PIK3C2A: variants seen among roughly 807,000 people sequenced by gnomAD.
The protein encoded by PIK3C2A is phosphatidylinositol-4-phosphate 3-kinase catalytic subunit type 2 alpha, also known as phosphatidylinositol 4-phosphate 3-kinase C2 domain-containing subunit alpha.
A neutral mutation model predicts 204.5 loss-of-function variants in PIK3C2A; 97 were observed. The ratio of observed to expected loss-of-function variants is 0.47; its 90% CI spans 0.40 to 0.56. PIK3C2A has a LOEUF of 0.56. Among genes scored for constraint, PIK3C2A ranks in the 20% least tolerant of loss-of-function variants. The pLI, the probability that PIK3C2A is intolerant of heterozygous loss-of-function variation, is 0.00. For synonymous variants in PIK3C2A, 653 were observed against 664.4 expected, an observed-to-expected ratio of 0.98 and a Z score of 0.26; for missense variants, 1,735 against 1,969.2, an observed-to-expected ratio of 0.88 and a Z score of 2.25.
intron 5 of PIK3C2A, among the ~76,000 whole-genome samples, chr11:17,148,075 G>A (rs1412585708): frequency 6.6e-6 from 1 of 151,988 alleles, no homozygotes; most frequent in East Asian, 1.9e-4. Context: ...CAGGCGTGGT[G>A]GTGCATGCCT....
At chr11:17,161,125 CAAGAATATGGGG>C (rs1483728519) in intron 2 of PIK3C2A, among the ~76,000 whole-genome samples, 1 of 152,122 alleles carries the variant, frequency 6.6e-6, no homozygotes, top group Non-Finnish European at 1.5e-5. Context: ...AAAGTAGTTA[CAAGAATATGGGG>C]AAGATTTATA....
chr11:17,195,273 C>T (rs1852108507), intron 1 of PIK3C2A, among the ~76,000 whole-genome samples: 1 of 151,514 alleles, frequency 6.6e-6, no homozygotes, highest in Admixed American at 6.6e-5. Context: ...ATTAGCTGGG[C>T]ATGGTGGCAG....
intron 20 of PIK3C2A, among the ~76,000 whole-genome samples, chr11:17,113,630 A>G (rs1565249661): frequency 6.6e-6 from 1 of 151,588 alleles, no homozygotes; most frequent in Non-Finnish European, 1.5e-5. Context: ...AAACATACAA[A>G]TATTAGCCAG....
At position 17,168,914 on chromosome 11, in the gene PIK3C2A, T is replaced by C. The variant is rs1168710471; in HGVS notation, c.828A>G (p.Leu276=). Residue 276 remains leucine (L), a synonymous_variant, in exon 2 of 33, where the codon CTA becomes CTG. Transcript: ENST00000691414. ...SKFDWLDLDP[L]SKPKVDNVEV... ...CCACATTATCCACCTTAGGCTTACT[T>C]AGAGGATCCAAGTCTAACCAGTCAA... 5.0e-6 allele frequency: 8 copies of C among 1,614,112 alleles called. No homozygotes were observed. Among genetic ancestry groups the C allele is most frequent in the Non-Finnish European group, 6.8e-6 (8 of 1,179,980 alleles).
At chr11:17,132,315 ATTTTTTTT>A (rs11307715) in intron 11 of PIK3C2A, among the ~76,000 whole-genome samples, 18 of 78,814 alleles carry the variant, frequency 2.3e-4, no homozygotes, top group East Asian at 3.2e-4. Context: ...ATTAACTTTA[ATTTTTTTT>A]TTTTTTTTTT....
chr11:17,131,134 G>C (rs1849681239), intron 12 of PIK3C2A, among the ~76,000 whole-genome samples: 1 of 152,138 alleles, frequency 6.6e-6, no homozygotes, highest in African/African-American at 2.4e-5. Context: ...CTTGCAGTGA[G>C]CTGAGATCAT....
rs1183002561 is a variant in PIK3C2A at position 17,097,051 on chromosome 11, A to T, written c.4326+6T>A. 2 of 1,475,448 alleles carry T rather than the reference A, an allele frequency of 1.4e-6. No homozygotes were observed. The highest frequency in any genetic ancestry group is 1.9e-6 in the Non-Finnish European group (2 of 1,055,290). 91.4% of individuals were successfully genotyped at this position (1,475,448 alleles called of 1,614,324 possible). A position where few individuals can be genotyped will look rare whatever the true frequency, so the allele number is the denominator to read the frequency against. ...GATTGTTTATGAATATTGAAATCAA[A>T]CTTACATAATGTTTATCTGGGTTGT... On this transcript the variant is annotated splice_donor_region_variant and intron_variant, in intron 27 of 32. Transcript: ENST00000691414.
intron 22 of PIK3C2A, among the ~76,000 whole-genome samples, chr11:17,108,117 C>T (rs1848888671): frequency 6.6e-6 from 1 of 152,218 alleles, no homozygotes; most frequent in South Asian, 2.1e-4. Flanking sequence ...AGGGATCTGC[C>T]CGCCTCGGCC....
Position 17,090,851 on chromosome 11 carries a change from G to A in PIK3C2A, c.4878+483C>T, listed in dbSNP as rs1396044064. On this transcript the variant is annotated intron_variant, in intron 32 of 32. Coordinates refer to ENST00000691414, the MANE Select transcript of PIK3C2A (RefSeq NM_002645.4). Reference sequence around the variant, plus strand: ...ACCTCCTGGGCTCAAGCAATCCTTTGACCTCAGCCTCCCGAGGAGCTGGGA... The same window carrying A: ...ACCTCCTGGGCTCAAGCAATCCTTTAACCTCAGCCTCCCGAGGAGCTGGGA... Among the ~76,000 whole-genome samples the A allele has an allele frequency of 6.0e-5, 9 of 151,250 alleles. No homozygotes were observed. In the East Asian group the frequency reaches 1.7e-3, roughly 29 times the overall value.
At chr11:17,198,528 A>G (rs1852242319) in intron 1 of PIK3C2A, among the ~76,000 whole-genome samples, 1 of 152,206 alleles carries the variant, frequency 6.6e-6, no homozygotes, top group South Asian at 2.1e-4. Context: ...TAAAATGCTT[A>G]GCATATAATA....
intron 1 of PIK3C2A, among the ~76,000 whole-genome samples, chr11:17,200,014 C>CA (rs1217422134): frequency 1.3e-5 from 2 of 149,666 alleles, no homozygotes; most frequent in African/African-American, 2.5e-5. Flanking sequence ...GTAAAAAATA[C>CA]AAAAAATACA....
At chr11:17,178,956 C>T (rs1851437941) in intron 1 of PIK3C2A, among the ~76,000 whole-genome samples, 1 of 151,480 alleles carries the variant, frequency 6.6e-6, no homozygotes, top group Non-Finnish European at 1.5e-5. Context: ...GTCTCCATCT[C>T]CTGACCTCAT....
At chr11:17,202,451 G>A (rs149559893) in intron 1 of PIK3C2A, among the ~76,000 whole-genome samples, 1 of 151,930 alleles carries the variant, frequency 6.6e-6, no homozygotes, top group East Asian at 1.9e-4. Flanking sequence ...GCACGTGCTT[G>A]TAGTCCCAGC....
intron 18 of PIK3C2A, among the ~76,000 whole-genome samples, chr11:17,118,328 C>A (rs764910414): frequency 6.6e-6 from 1 of 152,158 alleles, no homozygotes; most frequent in Non-Finnish European, 1.5e-5. Flanking sequence ...TAGCTTCAGC[C>A]TCCCAAAGTG....
At chr11:17,204,175 A>G (rs1430262898) in intron 1 of PIK3C2A, 2 of 152,212 alleles carry the variant, frequency 1.3e-5, no homozygotes, top group Admixed American at 6.5e-5. Flanking sequence ...TATACTGTCC[A>G]ATATGGCAGT....
chr11:17,134,441 A>T (rs1159246222), intron 11 of PIK3C2A, among the ~76,000 whole-genome samples: 1 of 151,880 alleles, frequency 6.6e-6, no homozygotes, highest in African/African-American at 2.4e-5. Flanking sequence ...GGCTCACCGC[A>T]ACCTCCACCT....
chr11:17,098,454 C>T (rs1848516316), intron 26 of PIK3C2A, among the ~76,000 whole-genome samples: 1 of 152,172 alleles, frequency 6.6e-6, no homozygotes. Flanking sequence ...TGGCTGGCAC[C>T]TTGATTTTGG....
chr11:17,102,953 C>A (rs1848690258), intron 23 of PIK3C2A, 122 bp from the exon 24 acceptor site: 1 of 611,348 alleles, frequency 1.6e-6, no homozygotes, highest in African/African-American at 1.9e-5. Context: ...CTCTCAATAG[C>A]ATACAAACTG....
At chr11:17,179,934 C>A (rs1404954315) in intron 1 of PIK3C2A, among the ~76,000 whole-genome samples, 1 of 152,146 alleles carries the variant, frequency 6.6e-6, no homozygotes, top group Non-Finnish European at 1.5e-5. Flanking sequence ...GAAATTCTAT[C>A]ATGAAAACAA....
Sources: allele counts gnomAD v4.1 joint callset (sites outside exome capture counted in the v4.1 genomes callset), GRCh38; gene constraint gnomAD v4.1.1; transcripts MANE v1.5; gene names NCBI Gene and HGNC (gene_info 2026-07-23, HGNC 2026-07-21).